The following PREX1 variants were observed in gnomAD, a reference collection of about 807,000 sequenced individuals.
PREX1 encodes phosphatidylinositol-3,4,5-trisphosphate dependent Rac exchange factor 1.
Under a neutral mutation model 198.3 loss-of-function variants are expected in PREX1, and 41 were observed. The observed-to-expected ratio is 0.21, with a 90% CI of 0.16 to 0.27. The LOEUF is 0.27. Ranked by LOEUF, PREX1 falls within the 10% of genes least tolerant of loss-of-function variation. The pLI, the probability that PREX1 is intolerant of heterozygous loss-of-function variation, is 1.00. For synonymous variants in PREX1, 843 were observed against 887.2 expected (o/e 0.95, Z 0.89); for missense variants, 1,620 against 2,200.7 (o/e 0.74, Z 5.28).
intron 15 of PREX1, among the ~76,000 whole-genome samples, chr20:48,662,332 C>T (rs1472792258): frequency 6.6e-6 from 1 of 152,196 alleles, no homozygotes; most frequent in African/African-American, 2.4e-5. Flanking sequence ...AGCGTGGAAT[C>T]CCTCAAGTCC....
intron 15 of PREX1, among the ~76,000 whole-genome samples, chr20:48,663,360 G>T (rs1195406016): frequency 6.6e-6 from 1 of 152,190 alleles, no homozygotes; most frequent in African/African-American, 2.4e-5. Flanking sequence ...GGCCGACCAG[G>T]GCTCAACAAA....
chr20:48,637,483 A>G (rs1295859673), intron 31 of PREX1, among the ~76,000 whole-genome samples: 2 of 152,168 alleles, frequency 1.3e-5, no homozygotes, highest in Non-Finnish European at 2.9e-5. Context: ...GGGCCCCGTC[A>G]ACATCCACCC....
intron 21 of PREX1, 112 bp downstream of exon 21, chr20:48,652,454 AAAACAAACCTGCTGGCATGG>A (rs1230761870): frequency 1.5e-6 from 2 of 1,328,436 alleles, no homozygotes; most frequent in African/African-American, 3.0e-5. Context: ...AAGGAAAAAA[AAAACAAACCTGCTGGCATGG>A]AGGTGGACTG....
rs138520999 is a variant in PREX1, at chr20:48,744,727, G to C, written c.414+298C>G. Among the ~76,000 whole-genome samples the C allele has an allele frequency of 9.1e-4, 138 of 152,362 alleles. 2 individuals carry two copies. The South Asian group carries it at 0.011, about 12-fold the overall frequency. On this transcript the variant is annotated intron_variant, in intron 3 of 39. Transcript: ENST00000371941. ...GCTACCTCTGATGGTCACTGTGGCA[G>C]AGGGGCCCCGCCAGGCCAGGAGGTC...
At chr20:48,694,163 C>A (rs1407312869) in intron 7 of PREX1, among the ~76,000 whole-genome samples, 1 of 152,054 alleles carries the variant, frequency 6.6e-6, no homozygotes, top group African/African-American at 2.4e-5. Context: ...CCACCCCCCT[C>A]GGCCTCCCAA....
At chr20:48,741,065 G>C (rs1454754561) in intron 3 of PREX1, among the ~76,000 whole-genome samples, 1 of 151,882 alleles carries the variant, frequency 6.6e-6, no homozygotes, top group Non-Finnish European at 1.5e-5. Context: ...CTGGTGTGCA[G>C]TGGCACAATC....
intron 1 of PREX1, among the ~76,000 whole-genome samples, chr20:48,767,409 G>A (rs181374452): frequency 1.3e-5 from 2 of 152,280 alleles, no homozygotes; most frequent in Non-Finnish European, 2.9e-5. Context: ...CCCTGAAGAG[G>A]GGATGGCTGA....
At chr20:48,660,414 T>TA (rs2089581830) in intron 15 of PREX1, among the ~76,000 whole-genome samples, 2 of 152,348 alleles carry the variant, frequency 1.3e-5, no homozygotes, top group East Asian at 3.9e-4. Flanking sequence ...TGCAGGAACT[T>TA]AGTCTATGAT....
intron 5 of PREX1, among the ~76,000 whole-genome samples, chr20:48,721,425 T>C (rs7262030): frequency 0.01 from 1,588 of 152,250 alleles, 31 homozygotes; most frequent in African/African-American, 0.036. Flanking sequence ...AGCAGAAGCC[T>C]GACAAAGATG....
Position 48,625,775 on chromosome 20 carries a change from G to T in PREX1, c.*110C>A. On this transcript the variant is annotated 3_prime_UTR_variant, in exon 40 of 40. Coordinates refer to ENST00000371941, the MANE Select transcript of PREX1 (RefSeq NM_020820.4). ...GAGGACGCTGGGCAGGTCCCGGAAC[G>T]GGCGGCTGCGGAAGCCTTGGGCCAT... The T allele has an allele frequency of 7.8e-7, 1 of 1,282,892 alleles. No individual in the cohort carries two copies. The highest frequency in any genetic ancestry group is 1.0e-6 in the Non-Finnish European group (1 of 957,054). The allele number at this position is 1,282,892 out of a possible 1,614,324, so 79.5% of individuals were successfully genotyped here.
intron 5 of PREX1, among the ~76,000 whole-genome samples, chr20:48,711,406 A>G (rs774499612): frequency 2.6e-4 from 40 of 152,084 alleles, no homozygotes; most frequent in Non-Finnish European, 4.6e-4. Flanking sequence ...GGTTTTTGGC[A>G]TCTGGACCTT....
At chr20:48,700,406 T>TA (rs1008203186) in intron 7 of PREX1, among the ~76,000 whole-genome samples, 74 of 152,324 alleles carry the variant, frequency 4.9e-4, no homozygotes, top group African/African-American at 1.7e-3. Context: ...TTTGAGAACT[T>TA]AGTGTTAAAA....
intron 1 of PREX1, among the ~76,000 whole-genome samples, chr20:48,817,231 T>C (rs1415883383): frequency 1.3e-5 from 2 of 152,170 alleles, no homozygotes; most frequent in Non-Finnish European, 2.9e-5. Context: ...AACAGCAACT[T>C]CTAGCTCCAA....
At chr20:48,884,137 TAA>T in the PREX1 span, among the ~76,000 whole-genome samples, 33 of 118,884 alleles carry the variant, frequency 2.8e-4, no homozygotes, top group East Asian at 5.0e-4. Context: ...AAACTCCGTC[TAA>T]AAAAAAAAAA....
chr20:48,730,299 G>A (rs1290798943), intron 4 of PREX1, among the ~76,000 whole-genome samples: 1 of 151,896 alleles, frequency 6.6e-6, no homozygotes, highest in East Asian at 1.9e-4. Context: ...ACCCTCCCAC[G>A]GCTTCCCATC....
intron 1 of PREX1, among the ~76,000 whole-genome samples, chr20:48,810,195 A>G (rs1467041115): frequency 3.3e-5 from 5 of 152,156 alleles, no homozygotes. Flanking sequence ...CACTTTCCTT[A>G]AAACACATAA....
rs184734368 is a variant in PREX1 at position 48,634,644 on chromosome 20, T to A, written c.4267+32A>T. 5,475 of 1,596,846 alleles carry A rather than the reference T, an allele frequency of 3.4e-3. 28 individuals are homozygous for A. The highest frequency in any genetic ancestry group is 4.1e-3 in the Non-Finnish European group (4,819 of 1,164,684). On this transcript the variant is annotated intron_variant, in intron 33 of 39. Transcript: ENST00000371941. ...GTCCCTTCCACCCCAGGACCCCACC[T>A]CTCACAGTGGGGGATGGGAGAAATC...
intron 1 of PREX1, among the ~76,000 whole-genome samples, chr20:48,793,254 C>T (rs953923867): frequency 2.0e-5 from 3 of 152,058 alleles, no homozygotes; most frequent in Admixed American, 6.5e-5. Context: ...CTAATGGTTC[C>T]AGGGATTGGG....
the PREX1 span, among the ~76,000 whole-genome samples, chr20:48,868,770 A>C: frequency 2.6e-5 from 4 of 152,294 alleles, no homozygotes; most frequent in Non-Finnish European, 5.9e-5. Flanking sequence ...TAACATAAAC[A>C]TACCTTTTTT....
Sources: gnomAD v4.1 joint callset for allele counts (sites outside exome capture counted in the v4.1 genomes callset) on GRCh38, gnomAD v4.1.1 for gene constraint, MANE v1.5 for transcripts, NCBI Gene and HGNC (gene_info 2026-07-23, HGNC 2026-07-21) for gene names.